The following DYRK1A variants were observed in gnomAD, a reference collection of about 807,000 sequenced individuals.
DYRK1A encodes dual specificity tyrosine-phosphorylation-regulated kinase 1A.
DYRK1A carries 9 observed loss-of-function variants against 79.7 expected under a neutral mutation model. The ratio of observed to expected loss-of-function variants is 0.11; its 90% CI spans 0.07 to 0.20. DYRK1A has a LOEUF of 0.20. Ranked by LOEUF, DYRK1A falls within the 10% of genes least tolerant of loss-of-function variation. The pLI, the probability that DYRK1A is intolerant of heterozygous loss-of-function variation, is 1.00. For synonymous variants in DYRK1A, 349 were observed against 329.7 expected (o/e 1.06, Z -0.63); for missense variants, 622 against 956.0 (o/e 0.65, Z 4.61).
chr21:37,430,756 G>A (rs934566767), intron 2 of DYRK1A, among the ~76,000 whole-genome samples: 3 of 152,172 alleles, frequency 2.0e-5, no homozygotes, highest in African/African-American at 7.2e-5. Flanking sequence ...CAGGTGGCTT[G>A]GTATCCTCAC....
intron 1 of DYRK1A, 112 bp from the exon 2 acceptor site, chr21:37,420,187 G>T: frequency 5.0e-6 from 2 of 399,040 alleles, no homozygotes; most frequent in East Asian, 3.8e-5. Flanking sequence ...TTGCAAATTT[G>T]AAGTAATTTT....
At chr21:37,472,590 C>T (rs746036251) in intron 2 of DYRK1A, 94 bp from the exon 3 acceptor site, 3 of 1,124,746 alleles carry the variant, frequency 2.7e-6, no homozygotes, top group Non-Finnish European at 3.7e-6. Flanking sequence ...ATTGAATATC[C>T]TAAAGTTCTT....
chr21:37,481,351 G>C (rs1414608797), intron 5 of DYRK1A: 1 of 152,030 alleles, frequency 6.6e-6, no homozygotes, highest in Non-Finnish European at 1.5e-5. Flanking sequence ...TGTATCAGTC[G>C]CACCAATACC....
intron 1 of DYRK1A, among the ~76,000 whole-genome samples, chr21:37,368,853 C>T (rs1215419504): frequency 6.6e-6 from 1 of 152,142 alleles, no homozygotes; most frequent in African/African-American, 2.4e-5. Flanking sequence ...ACTCAGGGTT[C>T]TAACCTAGAG....
At chr21:37,492,955 T>A in intron 7 of DYRK1A, 62 bp from the exon 8 acceptor site, 1 of 1,367,496 alleles carries the variant, frequency 7.3e-7, no homozygotes, top group Non-Finnish European at 1.0e-6. Flanking sequence ...TCAATGTTTT[T>A]AATCCAATGC....
intron 2 of DYRK1A, among the ~76,000 whole-genome samples, chr21:37,456,482 C>T (rs1007116671): frequency 1.3e-5 from 2 of 152,282 alleles, no homozygotes; most frequent in Admixed American, 6.5e-5. Context: ...CCAGTTTACA[C>T]GGGTGATGAG....
chr21:37,393,176 A>G (rs2049902149), intron 1 of DYRK1A, among the ~76,000 whole-genome samples: 2 of 152,248 alleles, frequency 1.3e-5, no homozygotes, highest in Admixed American at 6.5e-5. Flanking sequence ...TCTGGTATCC[A>G]GGATGCTTGC....
At chr21:37,383,140 A>G (rs1221358227) in intron 1 of DYRK1A, among the ~76,000 whole-genome samples, 1 of 152,218 alleles carries the variant, frequency 6.6e-6, no homozygotes. Flanking sequence ...CTCAGAGGCC[A>G]GTGATCTGCA....
intron 2 of DYRK1A, among the ~76,000 whole-genome samples, chr21:37,470,813 T>G (rs1227229673): frequency 1.3e-5 from 2 of 152,240 alleles, no homozygotes; most frequent in African/African-American, 4.8e-5. Context: ...TAGTGTAAGT[T>G]TGTAGAAGTT....
chr21:37,488,678 A>G (rs1180828580), intron 6 of DYRK1A: 6 of 985,292 alleles, frequency 6.1e-6, no homozygotes, highest in Non-Finnish European at 7.2e-6. Context: ...AAGTAAATGA[A>G]TAAAGAATTG....
rs149327869 is a variant in DYRK1A, at chr21:37,518,476, A to G, written c.*5945A>G. On this transcript the variant is annotated 3_prime_UTR_variant, in exon 12 of 12. Coordinates refer to ENST00000647188, the MANE Select transcript of DYRK1A (RefSeq NM_001347721.2). ...AACCACGGATGACCATCACACTAGC[A>G]GGATTTTAGATTCAGAGTTGGGGTG... is the stretch of plus-strand genomic sequence containing the variant. The G allele has an allele frequency of 5.6e-4, 86 of 152,296 alleles. No individual in the cohort carries two copies. In the East Asian group the frequency reaches 7.1e-3, roughly 13 times the overall value. 9.4% of individuals were successfully genotyped at this position (152,296 alleles called of 1,614,324 possible). A position where few individuals can be genotyped will look rare whatever the true frequency, so the allele number is the denominator to read the frequency against.
Position 37,493,171 on chromosome 21 carries a change from A to G in DYRK1A, c.1071+8A>G. The G allele has an allele frequency of 1.3e-6, 2 of 1,580,720 alleles. No homozygotes were observed. Among genetic ancestry groups the G allele is most frequent in the Non-Finnish European group, 8.7e-7 (1 of 1,155,762 alleles). ...TTCAGTGGTGCCAATGAGGTAAATGATGTATTGCTTTACAAATTCTGTTTT... is the reference window on the plus strand; with the variant it reads ...TTCAGTGGTGCCAATGAGGTAAATGGTGTATTGCTTTACAAATTCTGTTTT... On this transcript the variant is annotated splice_region_variant and intron_variant, in intron 8 of 11. Coordinates refer to ENST00000647188, the MANE Select transcript of DYRK1A (RefSeq NM_001347721.2).
chr21:37,383,346 G>A lies in DYRK1A; in HGVS notation c.-77+15718G>A, dbSNP rs539513984. Among the ~76,000 whole-genome samples the A allele has an allele frequency of 3.3e-5, 5 of 152,306 alleles. No individual in the cohort carries two copies. The South Asian group carries it at 6.2e-4, about 19-fold the overall frequency. ...GGACCATATCTGTGGTTTGAATTTT[G>A]GATGTTCTTAACTATGTAGCTTTCC... On this transcript the variant is annotated intron_variant, in intron 1 of 11. Transcript: ENST00000647188.
chr21:37,371,967 C>T (rs1005816249), intron 1 of DYRK1A, among the ~76,000 whole-genome samples: 4 of 151,984 alleles, frequency 2.6e-5, no homozygotes, highest in Non-Finnish European at 2.9e-5. Context: ...AAAGCTTTTC[C>T]GTATTATCAT....
At chr21:37,477,324 A>G (rs1271904466) in intron 3 of DYRK1A, among the ~76,000 whole-genome samples, 1 of 152,130 alleles carries the variant, frequency 6.6e-6, no homozygotes, top group Non-Finnish European at 1.5e-5. Context: ...ACCTTGATGG[A>G]AATAATTGGT....
At chr21:37,511,631 G>A (rs992208542) in intron 11 of DYRK1A, among the ~76,000 whole-genome samples, 8 of 152,146 alleles carry the variant, frequency 5.3e-5, no homozygotes, top group Non-Finnish European at 1.0e-4. Context: ...CTGACCCCTG[G>A]CATAAACAGG....
Position 37,503,721 on chromosome 21 carries a change from G to C in DYRK1A, c.1213-1562G>C, listed in dbSNP as rs528143409. 26 of 152,178 alleles carry C rather than the reference G, an allele frequency of 1.7e-4. No homozygotes were observed. The East Asian group carries it at 5.0e-3, about 29-fold the overall frequency. 9.4% of individuals were successfully genotyped at this position (152,178 alleles called of 1,614,324 possible). ...GCCCAGCCTATATTTTTTAGTTCTA[G>C]CATTTCTATTTTGTTTTAAATATAG... On this transcript the variant is annotated intron_variant, in intron 9 of 11. Coordinates refer to ENST00000647188, the MANE Select transcript of DYRK1A (RefSeq NM_001347721.2).
chr21:37,378,863 A>G (rs117583731), intron 1 of DYRK1A, among the ~76,000 whole-genome samples: 5 of 152,290 alleles, frequency 3.3e-5, no homozygotes, highest in East Asian at 1.9e-4. Flanking sequence ...AAGTAAGACA[A>G]TTATGGGGAT....
intron 2 of DYRK1A, among the ~76,000 whole-genome samples, chr21:37,460,706 G>A (rs1275244793): frequency 6.6e-6 from 1 of 151,982 alleles, no homozygotes; most frequent in Non-Finnish European, 1.5e-5. Context: ...ATTTAAATAG[G>A]TTTCATTACT....
Sources: allele counts gnomAD v4.1 joint callset (sites outside exome capture counted in the v4.1 genomes callset), GRCh38; gene constraint gnomAD v4.1.1; transcripts MANE v1.5; gene names NCBI Gene and HGNC (gene_info 2026-07-23, HGNC 2026-07-21).